TNFRSF8: variants seen among roughly 807,000 people sequenced by gnomAD.
TNFRSF8 encodes the protein tumor necrosis factor receptor superfamily member 8.
TNFRSF8 carries 26 observed loss-of-function variants against 70.8 expected under a neutral mutation model. That is an observed-to-expected ratio of 0.37 (90% confidence interval 0.27 to 0.51). TNFRSF8 has a LOEUF of 0.51. Ranked by LOEUF, TNFRSF8 falls within the 20% of genes least tolerant of loss-of-function variation. The pLI is 0.94. For synonymous variants in TNFRSF8, 356 were observed against 339.2 expected (o/e 1.05, Z -0.54); for missense variants, 720 against 807.9 (o/e 0.89, Z 1.32).
chr1:12,079,423 C>T (rs1641024160), intron 1 of TNFRSF8, among the ~76,000 whole-genome samples: 1 of 152,176 alleles, frequency 6.6e-6, no homozygotes, highest in Non-Finnish European at 1.5e-5. Flanking sequence ...TTTCTGATCC[C>T]TCCTTCCCTC....
At position 12,109,707 on chromosome 1, in the gene TNFRSF8, G is replaced by A. The variant is rs535343138; in HGVS notation, c.512+51G>A. 336 of 1,504,528 alleles carry A rather than the reference G, an allele frequency of 2.2e-4. No individual in the cohort carries two copies. The highest frequency in any genetic ancestry group is 3.1e-4 in the South Asian group (27 of 88,080). The allele number at this position is 1,504,528 out of a possible 1,614,324, so 93.2% of individuals were successfully genotyped here. A position where few individuals can be genotyped will look rare whatever the true frequency, so the allele number is the denominator to read the frequency against. Reference sequence around the variant, plus strand: ...TCTTCCCCCAAGCTGGCTTTCAGATGAGGCTGCCCCACCCCACAGGACGCC... The same window carrying A: ...TCTTCCCCCAAGCTGGCTTTCAGATAAGGCTGCCCCACCCCACAGGACGCC... On this transcript the variant is annotated intron_variant, in intron 5 of 14. Transcript: ENST00000263932. The surrounding 1 kb of genome is among the most constrained non-coding windows in gnomAD (Gnocchi z 4.4).
At chr1:12,133,611 G>A (rs566139795) in intron 12 of TNFRSF8, among the ~76,000 whole-genome samples, 5 of 151,146 alleles carry the variant, frequency 3.3e-5, no homozygotes, top group East Asian at 3.9e-4. Flanking sequence ...ATGGTGGTGC[G>A]TGCCTGTAAT....
rs116285691 is a variant in TNFRSF8, at chr1:12,099,851, C to G, written c.268+2634C>G. Among the ~76,000 whole-genome samples the G allele has an allele frequency of 9.6e-3, 1,460 of 152,086 alleles. 21 individuals carry two copies. Among genetic ancestry groups the G allele is most frequent in the African/African-American group, 0.033 (1,380 of 41,482 alleles). ...TGACACAATGTGAGTATTTGTGTATCTAAACATAGAAAAGGTGCAATAAAA... is the reference window on the plus strand; with the variant it reads ...TGACACAATGTGAGTATTTGTGTATGTAAACATAGAAAAGGTGCAATAAAA... On this transcript the variant is annotated intron_variant, in intron 3 of 14. Transcript: ENST00000263932.
intron 3 of TNFRSF8, among the ~76,000 whole-genome samples, chr1:12,100,226 C>T (rs146756997): frequency 9.2e-5 from 14 of 152,020 alleles, no homozygotes; most frequent in Middle Eastern, 3.4e-3. Context: ...GGGCACTTAC[C>T]GTGAATGGAG....
intron 2 of TNFRSF8, among the ~76,000 whole-genome samples, chr1:12,090,729 A>T (rs1449479579): frequency 6.6e-6 from 1 of 152,176 alleles, no homozygotes; most frequent in Non-Finnish European, 1.5e-5. Flanking sequence ...TCACAAACTC[A>T]ATCTCAATAA....
Position 12,109,315 on chromosome 1 carries a change from G to A in TNFRSF8, c.422-251G>A, listed in dbSNP as rs1031968247. Among the ~76,000 whole-genome samples, 2 of 152,140 alleles carry A rather than the reference G, an allele frequency of 1.3e-5. No individual in the cohort carries two copies. The highest frequency in any genetic ancestry group is 6.6e-5 in the Admixed American group (1 of 15,258). On this transcript the variant is annotated intron_variant, in intron 4 of 14. Coordinates refer to ENST00000263932, the MANE Select transcript of TNFRSF8 (RefSeq NM_001243.5). This position sits in a 1 kb window ranked among gnomAD's most constrained non-coding sequence, Gnocchi z 4.4. ...GTCCAGCCTGGTCTCATGGCCACTCGGGAAAGGGGGTTCAGTCGGTCCCAA... is the reference window on the plus strand; with the variant it reads ...GTCCAGCCTGGTCTCATGGCCACTCAGGAAAGGGGGTTCAGTCGGTCCCAA...
intron 2 of TNFRSF8, 59 bp downstream of exon 2, chr1:12,084,610 C>G (rs11569822): frequency 6.8e-7 from 1 of 1,471,776 alleles, no homozygotes; most frequent in Non-Finnish European, 9.5e-7. Flanking sequence ...ATTGATGACC[C>G]TCTTGGGGGA....
In TNFRSF8 at chr1:12,119,346, C is replaced by T. The variant is rs148773243; in HGVS notation, c.946+3617C>T. 6.6e-6 allele frequency among the ~76,000 whole-genome samples: 1 copy of T among 152,180 alleles called. No homozygotes were observed. The highest frequency in any genetic ancestry group is 1.5e-5 in the Non-Finnish European group (1 of 68,038). On this transcript the variant is annotated intron_variant, in intron 8 of 14. Transcript: ENST00000263932. This position sits in a 1 kb window ranked among gnomAD's most constrained non-coding sequence, Gnocchi z 4.4. ...CCCAAAGTGCTCCAGGCGTCTCCCCCACAGTGGCAGCCTCAATTTCTCTGT... is the reference window on the plus strand; with the variant it reads ...CCCAAAGTGCTCCAGGCGTCTCCCCTACAGTGGCAGCCTCAATTTCTCTGT...
intron 12 of TNFRSF8, among the ~76,000 whole-genome samples, chr1:12,134,099 G>A (rs978060979): frequency 7.2e-5 from 11 of 152,162 alleles, no homozygotes; most frequent in East Asian, 1.9e-4. Flanking sequence ...TCCACACAGC[G>A]TGTTCAAATG....
chr1:12,110,270 G>A lies in TNFRSF8; in HGVS notation c.676+66G>A. 1 of 1,470,864 alleles carries A rather than the reference G, an allele frequency of 6.8e-7. No homozygotes were observed. The highest frequency in any genetic ancestry group is 9.1e-7 in the Non-Finnish European group (1 of 1,101,760). 91.1% of individuals were successfully genotyped at this position (1,470,864 alleles called of 1,614,324 possible). On this transcript the variant is annotated intron_variant, in intron 6 of 14. Transcript: ENST00000263932. This position sits in a 1 kb window ranked among gnomAD's most constrained non-coding sequence, Gnocchi z 4.0. ...CTCGATTGGTGGATGGCCCATGAGT[G>A]GGGGTGTTTGGAGCAGGCGGGCAGT...
intron 12 of TNFRSF8, among the ~76,000 whole-genome samples, chr1:12,129,995 C>T (rs1395762441): frequency 6.6e-6 from 1 of 150,750 alleles, no homozygotes; most frequent in Non-Finnish European, 1.5e-5. Context: ...ACCCCCGCCT[C>T]CTGGGTTCAA....
intron 1 of TNFRSF8, among the ~76,000 whole-genome samples, chr1:12,067,906 G>T (rs958584802): frequency 2.2e-5 from 3 of 135,360 alleles, no homozygotes; most frequent in African/African-American, 8.0e-5. Flanking sequence ...GGGGGGGCGG[G>T]GGGGGGACCT....
Position 12,064,686 on chromosome 1 carries a change from C to T in TNFRSF8, c.63+1025C>T, listed in dbSNP as rs539261256. ...AGTGGGAGGAGAGTGGCAGAGTGGGCTTTAGGCAGGAGGGAGGAACTATGC... is the reference window on the plus strand; with the variant it reads ...AGTGGGAGGAGAGTGGCAGAGTGGGTTTTAGGCAGGAGGGAGGAACTATGC... On this transcript the variant is annotated intron_variant, in intron 1 of 14. Transcript: ENST00000263932. Among the ~76,000 whole-genome samples, 4 of 152,208 alleles carry T rather than the reference C, an allele frequency of 2.6e-5. No homozygotes were observed. The South Asian group carries it at 8.3e-4, about 32-fold the overall frequency.
Position 12,091,826 on chromosome 1 carries a change from T to C in TNFRSF8, c.152-5275T>C, listed in dbSNP as rs538588295. Among the ~76,000 whole-genome samples the C allele has an allele frequency of 7.2e-5, 11 of 152,306 alleles. No homozygotes were observed. In the South Asian group the frequency reaches 2.1e-3, roughly 29 times the overall value. ...AGGGGGGTCAGGGATGGTTTTGAGATGAAACTGTTCCATCTCAGATCATCA... is the reference window on the plus strand; with the variant it reads ...AGGGGGGTCAGGGATGGTTTTGAGACGAAACTGTTCCATCTCAGATCATCA... On this transcript the variant is annotated intron_variant, in intron 2 of 14. Coordinates refer to ENST00000263932, the MANE Select transcript of TNFRSF8 (RefSeq NM_001243.5).
chr1:12,112,049 CCT>C lies in TNFRSF8; in HGVS notation c.793+40_793+41del. On this transcript the variant is annotated intron_variant, in intron 7 of 14. Coordinates refer to ENST00000263932, the MANE Select transcript of TNFRSF8 (RefSeq NM_001243.5). The surrounding 1 kb of genome is among the most constrained non-coding windows in gnomAD (Gnocchi z 5.3). ...TCGTCCCTCCCCGGGCCTCAGTTTA[CCT>C]CTCTGCATTTTTGAACCGTGAACTT... The C allele has an allele frequency of 6.5e-7, 1 of 1,533,592 alleles. No homozygotes were observed. 95.0% of individuals were successfully genotyped at this position (1,533,592 alleles called of 1,614,324 possible).
At position 12,112,322 on chromosome 1, in the gene TNFRSF8, A is replaced by G. The variant is rs1167770952; in HGVS notation, c.793+308A>G. 6.6e-6 allele frequency among the ~76,000 whole-genome samples: 1 copy of G among 152,024 alleles called. No homozygotes were observed. Among genetic ancestry groups the G allele is most frequent in the Middle Eastern group, 3.4e-3 (1 of 292 alleles). ...TCCAAGGGCTGTGGGCTGGAGTTTG[A>G]ACCCAGACAGGTGCCACCAGGTTCC... On this transcript the variant is annotated intron_variant, in intron 7 of 14. Coordinates refer to ENST00000263932, the MANE Select transcript of TNFRSF8 (RefSeq NM_001243.5). The surrounding 1 kb of genome is among the most constrained non-coding windows in gnomAD (Gnocchi z 5.3).
In TNFRSF8 at chr1:12,139,000, G is replaced by A. The variant is rs1642206735; in HGVS notation, c.1543+564G>A. Among the ~76,000 whole-genome samples, 1 of 152,200 alleles carries A rather than the reference G, an allele frequency of 6.6e-6. No homozygotes were observed. The highest frequency in any genetic ancestry group is 1.5e-5 in the Non-Finnish European group (1 of 68,034). On this transcript the variant is annotated intron_variant, in intron 14 of 14. Coordinates refer to ENST00000263932, the MANE Select transcript of TNFRSF8 (RefSeq NM_001243.5). This position sits in a 1 kb window ranked among gnomAD's most constrained non-coding sequence, Gnocchi z 5.7. ...TACCACCCACCCTCTGCAGAAGCAG[G>A]AGGACAGATGGGGCCCAGATGTTCA...
In TNFRSF8 at chr1:12,078,639, A is replaced by AC. The variant is rs1029638109; in HGVS notation, c.64-5818dup. ...GGATCTCAGAGCCCTGAACTACAGCACCCCCCCACCCCAGGCAGCAGAAGC... is the reference window on the plus strand; with the variant it reads ...GGATCTCAGAGCCCTGAACTACAGCACCCCCCCCACCCCAGGCAGCAGAAGC... On this transcript the variant is annotated intron_variant, in intron 1 of 14. Transcript: ENST00000263932. Among the ~76,000 whole-genome samples, 5 of 151,374 alleles carry AC rather than the reference A, an allele frequency of 3.3e-5. No individual in the cohort carries two copies. The East Asian group carries it at 5.8e-4, about 18-fold the overall frequency.
At chr1:12,089,599 C>T (rs149086814) in intron 2 of TNFRSF8, among the ~76,000 whole-genome samples, 32 of 152,270 alleles carry the variant, frequency 2.1e-4, no homozygotes, top group African/African-American at 6.3e-4. Flanking sequence ...ATGCAGCAAG[C>T]ATTTATTGAG....
Sources: allele counts gnomAD v4.1 joint callset (sites outside exome capture counted in the v4.1 genomes callset), GRCh38; gene constraint gnomAD v4.1.1; non-coding constraint Gnocchi (gnomAD v3.1); transcripts MANE v1.5; gene names NCBI Gene and HGNC (gene_info 2026-07-23, HGNC 2026-07-21).